AGRN: variants seen among roughly 807,000 people sequenced by gnomAD.
AGRN encodes agrin proteoglycan.
In AGRN, 106 loss-of-function variants were observed where a neutral mutation model predicts 211.0. The observed-to-expected ratio is 0.50, with a 90% confidence interval of 0.43 to 0.59. The LOEUF (loss-of-function observed/expected upper bound fraction) is 0.59. Among genes scored for constraint, AGRN ranks in the 20% least tolerant of loss-of-function variants. The pLI, the probability that AGRN is intolerant of heterozygous loss-of-function variation, is 0.00. For missense variants in AGRN, 3,040 were observed against 2,982.6 expected, an observed-to-expected ratio of 1.02 and a Z score of -0.45; for synonymous variants, 1,525 against 1,332.5, an observed-to-expected ratio of 1.14 and a Z score of -3.15.
rs145116277 is a variant in AGRN, at chr1:1,051,583, C to T, written c.5501C>T (p.Pro1834Leu). 3.6e-4 allele frequency: 580 copies of T among 1,600,444 alleles called. 6 individuals are homozygous for T. The East Asian group carries it at 0.012, about 34-fold the overall frequency. Residue 1834 changes from proline to leucine, a missense_variant, in exon 32 of 36, where the codon CCG becomes CTG. Pro to Leu is a moderately conservative substitution (Grantham distance 98, BLOSUM62 -3). Coordinates refer to ENST00000379370, the MANE Select transcript of AGRN (RefSeq NM_198576.4). ...HPCLNGASCV[P>L]REAAYVCLCP... ...TGCCTCAATGGGGCCTCCTGCGTCC[C>T]GAGGGAGGCTGCCTATGTGTGCCTG... is the stretch of plus-strand genomic sequence containing the variant.
rs773915738 is a variant in AGRN at position 1,054,851 on chromosome 1, C to G, written c.6008C>G (p.Pro2003Arg). The G allele has an allele frequency of 6.4e-7, 1 of 1,559,924 alleles. No individual in the cohort carries two copies. Among genetic ancestry groups the G allele is most frequent in the South Asian group, 1.2e-5 (1 of 84,764 alleles). The change falls in exon 36 of 36, where the codon CCA (proline) becomes CGA (arginine). Residue 2003 changes from proline (P) to arginine (R), a missense_variant. Physicochemically the swap from Pro to Arg is moderately radical, Grantham distance 103. Around this residue, in one of 3 missense-constraint regions of AGRN, gnomAD observed 1,537 missense variants for 1,505.0 expected, o/e 1.02. Coordinates refer to ENST00000379370, the MANE Select transcript of AGRN (RefSeq NM_198576.4). Reference protein sequence around the residue: ...LGGLPELPVGPALPKAYGTGF... With the variant: ...LGGLPELPVGRALPKAYGTGF... ...GGCCTGCCGGAGCTGCCCGTGGGCC[C>G]AGCACTGCCCAAGGCCTACGGCACA...
At position 1,028,569 on chromosome 1, in the gene AGRN, G is replaced by A. The variant is rs1230433447; in HGVS notation, c.463+6107G>A. Reference sequence around the variant, plus strand: ...CACCCACAGCCACGCCACCCTTTCCGAAGGAACCGAGCCCCAGCCCCTCGT... The same window carrying A: ...CACCCACAGCCACGCCACCCTTTCCAAAGGAACCGAGCCCCAGCCCCTCGT... On this transcript the variant is annotated intron_variant, in intron 2 of 35. Transcript: ENST00000379370. Among the ~76,000 whole-genome samples, 12 of 113,598 alleles carry A rather than the reference G, an allele frequency of 1.1e-4. 1 individual carries two copies. Among genetic ancestry groups the A allele is most frequent in the Admixed American group, 9.3e-4 (11 of 11,778 alleles). 74.5% of individuals were successfully genotyped at this position (113,598 alleles called of 152,430 possible).
rs536634406 is a variant in AGRN at position 1,040,942 on chromosome 1, G to A, written c.727+62G>A. On this transcript the variant is annotated intron_variant, in intron 4 of 35. Transcript: ENST00000379370. ...GGCGGGGCCTATGAGATGGAGCGAG[G>A]CTGGGAGGGGCTTCGGGGCCAGTGG... 1,703 of 1,168,564 alleles carry A rather than the reference G, an allele frequency of 1.5e-3. 33 individuals are homozygous for A. The African/African-American group carries it at 0.027, about 19-fold the overall frequency. 72.4% of individuals were successfully genotyped at this position (1,168,564 alleles called of 1,614,324 possible).
intron 2 of AGRN, among the ~76,000 whole-genome samples, chr1:1,024,761 T>C (rs2100571075): frequency 6.6e-6 from 1 of 151,584 alleles, no homozygotes; most frequent in Non-Finnish European, 1.5e-5. Flanking sequence ...CCTCCCCCAG[T>C]CAACAACCCT....
In AGRN at chr1:1,051,877, C is replaced by A. The variant is rs547685580; in HGVS notation, c.5651+62C>A. On this transcript the variant is annotated intron_variant, in intron 33 of 35. Coordinates refer to ENST00000379370, the MANE Select transcript of AGRN (RefSeq NM_198576.4). ...TGTGCCCTCGGGGCGGGACACCGGA[C>A]CCCCACACCAGGAGGGCCCAGGAGG... 12 of 1,598,478 alleles carry A rather than the reference C, an allele frequency of 7.5e-6. No homozygotes were observed. The East Asian group carries it at 2.7e-4, about 36-fold the overall frequency.
intron 2 of AGRN, 22 bp downstream of exon 2, chr1:1,022,484 T>G: frequency 6.3e-7 from 1 of 1,583,756 alleles, no homozygotes. Context: ...GGGGCTCGTG[T>G]GGGGGCCTGT....
In AGRN at chr1:1,034,336, A is replaced by G. The variant is rs901883034; in HGVS notation, c.464-941A>G. ...CTCGGAGCCCACATTTGGGATTTCTACTCCGGGAGAATTCTGCCCTCCTCC... is the reference window on the plus strand; with the variant it reads ...CTCGGAGCCCACATTTGGGATTTCTGCTCCGGGAGAATTCTGCCCTCCTCC... On this transcript the variant is annotated intron_variant, in intron 2 of 35. Coordinates refer to ENST00000379370, the MANE Select transcript of AGRN (RefSeq NM_198576.4). The G allele has an allele frequency of 3.7e-5, 36 of 984,974 alleles. No individual in the cohort carries two copies. The African/African-American group carries it at 4.4e-4, about 12-fold the overall frequency. The allele number at this position is 984,974 out of a possible 1,614,324, so 61.0% of individuals were successfully genotyped here.
In AGRN at chr1:1,045,129, A is replaced by C. The variant is rs755767332; in HGVS notation, c.2255-32A>C. On this transcript the variant is annotated intron_variant, in intron 12 of 35. Transcript: ENST00000379370. ...GTCCAGGGTGGGTGTCCAGCACTGC[A>C]TGAAATCTGAGTCCCGTACCCTTTC... 7 of 1,606,486 alleles carry C rather than the reference A, an allele frequency of 4.4e-6. No individual in the cohort carries two copies. The Admixed American group carries it at 5.0e-5, about 11-fold the overall frequency.
In AGRN at chr1:1,046,853, C is replaced by A. The variant is rs1418628156; in HGVS notation, c.3284C>A (p.Thr1095Asn). ...LEPLEGSSVA[T>N]PGPPVERASC... ...CCCTTGGAGGGCAGCAGCGTGGCCA[C>A]CCCTGGGCCACCTGTCGAGAGGGCT... Residue 1095 changes from threonine (T) to asparagine (N), a missense_variant, in exon 19 of 36, where the codon ACC (threonine) becomes AAC (asparagine). Thr to Asn is a moderately conservative substitution (Grantham distance 65). Coordinates refer to ENST00000379370, the MANE Select transcript of AGRN (RefSeq NM_198576.4). 2 of 1,586,978 alleles carry A rather than the reference C, an allele frequency of 1.3e-6. No individual in the cohort carries two copies. The highest frequency in any genetic ancestry group is 1.8e-5 in the Admixed American group (1 of 54,860).
At chr1:1,047,098 C>G (rs1645119640) in intron 19 of AGRN, 141 bp downstream of exon 19, 1 of 1,425,036 alleles carries the variant, frequency 7.0e-7, no homozygotes, top group Admixed American at 2.2e-5. Flanking sequence ...TGCCGGGGAC[C>G]CCACGCCTAA....
At position 1,048,270 on chromosome 1, in the gene AGRN, C is replaced by T. The variant is rs1342362953; in HGVS notation, c.4010C>T (p.Pro1337Leu). 4 of 1,530,150 alleles carry T rather than the reference C, an allele frequency of 2.6e-6. No homozygotes were observed. Among genetic ancestry groups the T allele is most frequent in the Non-Finnish European group, 1.8e-6 (2 of 1,134,516 alleles). The allele number at this position is 1,530,150 out of a possible 1,614,324, so 94.8% of individuals were successfully genotyped here. ...CCTCCAAAGCCCTGTGACTCACAGCCCTGCTTCCACGGGGGGACCTGCCAG... is the reference window on the plus strand; with the variant it reads ...CCTCCAAAGCCCTGTGACTCACAGCTCTGCTTCCACGGGGGGACCTGCCAG... Reference protein sequence around the residue: ...QQPPKPCDSQPCFHGGTCQDW... With the variant: ...QQPPKPCDSQLCFHGGTCQDW... Residue 1337 changes from proline (P) to leucine (L), a missense_variant, in exon 23 of 36, where the codon CCC becomes CTC. This residue lies in a region of AGRN where 1,537 missense variants were observed against 1,505.0 expected (regional missense o/e 1.02). Coordinates refer to ENST00000379370, the MANE Select transcript of AGRN (RefSeq NM_198576.4). The surrounding 1 kb of genome is among the most constrained non-coding windows in gnomAD (Gnocchi z 5.9).
intron 3 of AGRN, among the ~76,000 whole-genome samples, chr1:1,036,203 G>C (rs2100612786): frequency 6.6e-6 from 1 of 152,316 alleles, no homozygotes; most frequent in South Asian, 2.1e-4. Context: ...TGAAGACAGA[G>C]CCCTGGGCTG....
At chr1:1,051,059 C>T in intron 30 of AGRN, 194 bp from the exon 31 acceptor site, 2 of 1,548,678 alleles carry the variant, frequency 1.3e-6, no homozygotes, top group Non-Finnish European at 1.7e-6. Context: ...GTCGGCCTCT[C>T]ATCCGCTCAC....
chr1:1,051,996 A>G (rs1022265638), intron 33 of AGRN, 181 bp downstream of exon 33: 1 of 1,541,034 alleles, frequency 6.5e-7, no homozygotes, highest in African/African-American at 1.4e-5. Flanking sequence ...TTCCAAGCGA[A>G]CTGGCCAATG....
At chr1:1,054,265 G>A (rs765573342) in intron 34 of AGRN, among the ~76,000 whole-genome samples, 183 bp from the exon 35 acceptor site, 6 of 152,202 alleles carry the variant, frequency 3.9e-5, no homozygotes, top group Admixed American at 1.3e-4. Flanking sequence ...GAATGTCCCC[G>A]GCCTTGGCTC....
At chr1:1,034,296 C>G (rs979460578) in intron 2 of AGRN, 7 of 985,390 alleles carry the variant, frequency 7.1e-6, no homozygotes, top group Non-Finnish European at 7.2e-6. Context: ...GGCTCCCAGT[C>G]CCTCCTCCGC....
rs1645204954 is a variant in AGRN at position 1,049,370 on chromosome 1, G to A, written c.4433G>A (p.Gly1478Asp). The A allele has an allele frequency of 6.3e-7, 1 of 1,598,618 alleles. No individual in the cohort carries two copies. The highest frequency in any genetic ancestry group is 1.3e-5 in the African/African-American group (1 of 74,872). Residue 1478 changes from glycine (G) to aspartate (D), a missense_variant, in exon 25 of 36, where the codon GGC becomes GAC. By Grantham distance (94) the Gly-to-Asp change is moderately conservative. Coordinates refer to ENST00000379370, the MANE Select transcript of AGRN (RefSeq NM_198576.4). Reference sequence around the variant, plus strand: ...GTGGATGGTGAGACCCCTGTTCTGGGCGAGAGTCCCAGTGGCACCGACGGC... The same window carrying A: ...GTGGATGGTGAGACCCCTGTTCTGGACGAGAGTCCCAGTGGCACCGACGGC... Reference protein sequence around the residue: ...LSVDGETPVLGESPSGTDGLN... With the variant: ...LSVDGETPVLDESPSGTDGLN...
chr1:1,029,159 C>T (rs1644590342), intron 2 of AGRN, among the ~76,000 whole-genome samples: 1 of 152,116 alleles, frequency 6.6e-6, no homozygotes. Flanking sequence ...TGCCAATTGC[C>T]AGAGAGCCCC....
chr1:1,051,114 G>A (rs1320844948), intron 30 of AGRN, 139 bp from the exon 31 acceptor site: 3 of 1,536,290 alleles, frequency 2.0e-6, no homozygotes, highest in Non-Finnish European at 2.6e-6. Context: ...CCCCCACTAA[G>A]GACCCTGCCA....
Sources: gnomAD v4.1 joint callset for allele counts (sites outside exome capture counted in the v4.1 genomes callset) on GRCh38, gnomAD v4.1.1 for gene constraint, gnomAD v4.1.1 regional missense constraint, Gnocchi (gnomAD v3.1) non-coding constraint, MANE v1.5 for transcripts, NCBI Gene and HGNC (gene_info 2026-07-23, HGNC 2026-07-21) for gene names.